The following ELOVL6 variants were observed in gnomAD, a reference collection of about 807,000 sequenced individuals.
ELOVL6 encodes ELOVL fatty acid elongase 6, also known as very long chain fatty acid elongase 6.
A neutral mutation model predicts 31.7 loss-of-function variants in ELOVL6; 8 were observed. That is an observed-to-expected ratio of 0.25 (90% CI 0.15 to 0.45). The LOEUF is 0.45. Ranked by LOEUF, ELOVL6 falls within the 20% of genes least tolerant of loss-of-function variation. The pLI is 1.00. For missense variants in ELOVL6, 126 were observed against 326.4 expected (o/e 0.39, Z 4.73); for synonymous variants, 101 against 117.7 (o/e 0.86, Z 0.92).
At chr4:110,146,996 A>C (rs184849189) in intron 1 of ELOVL6, 1,626 of 153,148 alleles carry the variant, frequency 0.011, 28 homozygotes, top group African/African-American at 0.037. Flanking sequence ...TCTCAAAGAA[A>C]AAAAAAAGCA....
At position 110,056,515 on chromosome 4, in the gene ELOVL6, C is replaced by G. The variant is rs115690755; in HGVS notation, c.373+3088G>C. 7.4e-3 allele frequency among the ~76,000 whole-genome samples: 1,122 copies of G among 150,896 alleles called. 17 individuals carry two copies. The highest frequency in any genetic ancestry group is 0.026 in the African/African-American group (1,069 of 41,078). ...GAGGAGCTCCAGAGTATTTGAAGAA[C>G]AATATCCCATATTTTAAAATGTTAA... On this transcript the variant is annotated intron_variant, in intron 3 of 3. Coordinates refer to ENST00000302274, the MANE Select transcript of ELOVL6 (RefSeq NM_024090.3).
At chr4:110,056,061 CAATCTG>C (rs1474282221) in intron 3 of ELOVL6, among the ~76,000 whole-genome samples, 1 of 144,258 alleles carries the variant, frequency 6.9e-6, no homozygotes, top group African/African-American at 2.6e-5. Context: ...GGTTGCTCAA[CAATCTG>C]AATAATATGT....
intron 1 of ELOVL6, among the ~76,000 whole-genome samples, chr4:110,133,011 T>C (rs1757711819): frequency 6.6e-6 from 1 of 151,968 alleles, no homozygotes; most frequent in Non-Finnish European, 1.5e-5. Flanking sequence ...GTTGAAGTCA[T>C]GGACACGAAT....
chr4:110,072,313 TAA>T (rs1190715876), intron 2 of ELOVL6, among the ~76,000 whole-genome samples: 2 of 152,166 alleles, frequency 1.3e-5, no homozygotes, highest in African/African-American at 4.8e-5. Flanking sequence ...CTGTCTCTAC[TAA>T]AAATACAAAA....
chr4:110,101,400 CA>C (rs34486723), intron 2 of ELOVL6, among the ~76,000 whole-genome samples: 91 of 136,574 alleles, frequency 6.7e-4, no homozygotes, highest in Non-Finnish European at 6.8e-4. Flanking sequence ...ATTTGGATTT[CA>C]AAAAAAAAAA....
rs575564601 is a variant in ELOVL6 at position 110,165,381 on chromosome 4, T to A, written c.89+32866A>T. 6.1e-4 allele frequency among the ~76,000 whole-genome samples: 93 copies of A among 152,318 alleles called. 1 individual carries two copies. Among genetic ancestry groups the A allele is most frequent in the African/African-American group, 2.1e-3 (89 of 41,578 alleles). On this transcript the variant is annotated intron_variant, in intron 1 of 3. Transcript: ENST00000302274. ...GCAGACCTACTCCAACTCCTTAGCC[T>A]GGCTTCCAAGCTTCCAATCGACCCT...
rs1553963193 is a variant in ELOVL6, at chr4:110,186,822, A to AAAT, written c.89+11424_89+11425insATT. Reference sequence around the variant, plus strand: ...CTGTCTCAAAAAAAAAAAAAAAAAAAATATATATATATATATATATATTTA... The same window carrying AAAT: ...CTGTCTCAAAAAAAAAAAAAAAAAAAAATATATATATATATATATATATATTTA... On this transcript the variant is annotated intron_variant, in intron 1 of 3. Coordinates refer to ENST00000302274, the MANE Select transcript of ELOVL6 (RefSeq NM_024090.3). 9.8e-3 allele frequency among the ~76,000 whole-genome samples: 584 copies of AAAT among 59,398 alleles called. 17 individuals are homozygous for AAAT. The highest frequency in any genetic ancestry group is 0.03 in the African/African-American group (452 of 14,934). The allele number at this position is 59,398 out of a possible 152,430, so 39.0% of individuals were successfully genotyped here. A position where few individuals can be genotyped will look rare whatever the true frequency, so the allele number is the denominator to read the frequency against.
intron 1 of ELOVL6, among the ~76,000 whole-genome samples, chr4:110,132,648 G>A (rs949799026): frequency 6.6e-6 from 1 of 151,850 alleles, no homozygotes; most frequent in Non-Finnish European, 1.5e-5. Flanking sequence ...CCAACATGGT[G>A]AAACCCCCAA....
intron 2 of ELOVL6, among the ~76,000 whole-genome samples, chr4:110,080,848 A>G (rs55782922): frequency 0.28 from 42,493 of 151,462 alleles, 6,014 homozygotes; most frequent in Middle Eastern, 0.33. Context: ...AAACCCCATC[A>G]TCTCAGCCCA....
intron 1 of ELOVL6, among the ~76,000 whole-genome samples, chr4:110,111,440 T>C (rs1254513425): frequency 7.5e-6 from 1 of 132,468 alleles, no homozygotes; most frequent in African/African-American, 2.8e-5. Context: ...TTTTTTTTTT[T>C]CTTCTGTTAG....
intron 2 of ELOVL6, among the ~76,000 whole-genome samples, chr4:110,094,441 AT>A (rs1324179571): frequency 0.053 from 3,216 of 60,782 alleles, 154 homozygotes; most frequent in Non-Finnish European, 0.064. Flanking sequence ...ATATATATAT[AT>A]AATATATATA....
chr4:110,061,089 T>C (rs1359515454), intron 2 of ELOVL6, among the ~76,000 whole-genome samples: 1 of 152,224 alleles, frequency 6.6e-6, no homozygotes, highest in Non-Finnish European at 1.5e-5. Flanking sequence ...CTCTTTCCAC[T>C]GTATGAAATT....
At chr4:110,073,282 G>A (rs1033081041) in intron 2 of ELOVL6, among the ~76,000 whole-genome samples, 16 of 152,110 alleles carry the variant, frequency 1.1e-4, no homozygotes, top group African/African-American at 3.9e-4. Flanking sequence ...TACTGTCCCA[G>A]GAGCAGAGCT....
intron 2 of ELOVL6, among the ~76,000 whole-genome samples, chr4:110,097,946 C>T (rs1410173966): frequency 6.6e-6 from 1 of 152,002 alleles, no homozygotes; most frequent in Non-Finnish European, 1.5e-5. Flanking sequence ...AAATAGGAGG[C>T]TAAGGGAGTT....
chr4:110,152,766 A>G (rs539541461), intron 1 of ELOVL6, among the ~76,000 whole-genome samples: 1 of 152,376 alleles, frequency 6.6e-6, no homozygotes, highest in Admixed American at 6.5e-5. Context: ...TATATAGTGT[A>G]TGTGAGTGTG....
intron 2 of ELOVL6, among the ~76,000 whole-genome samples, chr4:110,077,693 C>A (rs1419323652): frequency 6.6e-6 from 1 of 152,156 alleles, no homozygotes; most frequent in African/African-American, 2.4e-5. Context: ...TCTCCTCCCC[C>A]AAAGGAACGC....
In ELOVL6 at chr4:110,061,549, CTTTTTT is replaced by C. The variant is rs57846282; in HGVS notation, c.222-1801_222-1796del. Among the ~76,000 whole-genome samples the C allele has an allele frequency of 7.7e-4, 56 of 72,376 alleles. 1 individual carries two copies. In the South Asian group the frequency reaches 0.012, roughly 16 times the overall value. The allele number at this position is 72,376 out of a possible 152,430, so 47.5% of individuals were successfully genotyped here. ...CTGTCTTTCCCTCACCAAATGATGG[CTTTTTT>C]TTTTTTTTTTTTTTTTTTTGAGACA... On this transcript the variant is annotated intron_variant, in intron 2 of 3. Transcript: ENST00000302274.
At chr4:110,168,040 C>A (rs1758833859) in intron 1 of ELOVL6, among the ~76,000 whole-genome samples, 1 of 152,004 alleles carries the variant, frequency 6.6e-6, no homozygotes, top group African/African-American at 2.4e-5. Flanking sequence ...ACGTCTACTA[C>A]TTAAGATTAA....
At chr4:110,070,407 A>G (rs774710401) in intron 2 of ELOVL6, among the ~76,000 whole-genome samples, 15 of 152,252 alleles carry the variant, frequency 9.9e-5, no homozygotes, top group Non-Finnish European at 1.9e-4. Context: ...GTGGTTAGTC[A>G]TCTTGTTTCT....
Sources: gnomAD v4.1 joint callset for allele counts (sites outside exome capture counted in the v4.1 genomes callset) on GRCh38, gnomAD v4.1.1 for gene constraint, MANE v1.5 for transcripts, NCBI Gene and HGNC (gene_info 2026-07-23, HGNC 2026-07-21) for gene names.